The following EYA4 variants were observed in gnomAD, a reference collection of about 807,000 sequenced individuals.
The protein encoded by EYA4 is EYA transcriptional coactivator and phosphatase 4.
EYA4 carries 31 observed loss-of-function variants against 87.9 expected under a neutral mutation model. The ratio of observed to expected loss-of-function variants is 0.35; its 90% CI spans 0.27 to 0.48. The LOEUF is 0.48. Among genes scored for constraint, EYA4 ranks in the 20% least tolerant of loss-of-function variants. The probability of loss-of-function intolerance (pLI) is 0.99; values close to 1 mark genes in which losing one functional copy is unlikely to be tolerated. For synonymous variants in EYA4, 263 were observed against 270.6 expected (o/e 0.97, Z 0.28); for missense variants, 678 against 761.4 (o/e 0.89, Z 1.29).
chr6:133,315,140 G>A (rs1290157641), intron 2 of EYA4, among the ~76,000 whole-genome samples: 1 of 152,158 alleles, frequency 6.6e-6, no homozygotes, highest in Non-Finnish European at 1.5e-5. Context: ...GAACAATAAA[G>A]ATCTGTGATT....
chr6:133,359,281 C>CTCTG (rs1336426706), intron 2 of EYA4, among the ~76,000 whole-genome samples: 1 of 152,126 alleles, frequency 6.6e-6, no homozygotes, highest in East Asian at 1.9e-4. Flanking sequence ...TCCTTTGACC[C>CTCTG]CTAGTCCTAG....
chr6:133,435,535 C>G (rs1054118009), intron 3 of EYA4: 1 of 152,260 alleles, frequency 6.6e-6, no homozygotes, highest in African/African-American at 2.4e-5. Flanking sequence ...GATATAGACA[C>G]TGTGCCGCGG....
intron 2 of EYA4, among the ~76,000 whole-genome samples, chr6:133,275,114 TTTA>T (rs1777058975): frequency 1.3e-5 from 2 of 152,156 alleles, no homozygotes; most frequent in African/African-American, 2.4e-5. Flanking sequence ...ATATACGTCC[TTTA>T]TTATTTTATT....
At chr6:133,303,846 CT>C (rs779600743) in intron 2 of EYA4, among the ~76,000 whole-genome samples, 12 of 152,084 alleles carry the variant, frequency 7.9e-5, no homozygotes, top group Non-Finnish European at 1.8e-4. Context: ...TCCGTTAGTA[CT>C]TTGTTCATAT....
chr6:133,277,813 G>A (rs933597030), intron 2 of EYA4, among the ~76,000 whole-genome samples: 1 of 152,192 alleles, frequency 6.6e-6, no homozygotes, highest in Admixed American at 6.5e-5. Flanking sequence ...AAAAGAGGTA[G>A]TAATCCTCCT....
chr6:133,513,803 GTTTC>G (rs767320849), intron 16 of EYA4, among the ~76,000 whole-genome samples: 124 of 152,122 alleles, frequency 8.2e-4, no homozygotes, highest in Admixed American at 5.1e-3. Flanking sequence ...CCAGGATTTT[GTTTC>G]TTTATGTGCT....
chr6:133,246,956 T>A (rs577225380), intron 1 of EYA4: 1 of 152,300 alleles, frequency 6.6e-6, no homozygotes, highest in Non-Finnish European at 1.5e-5. Flanking sequence ...AAGCGTGTGC[T>A]GGGCTCTTGC....
intron 2 of EYA4, among the ~76,000 whole-genome samples, chr6:133,347,458 G>A (rs1039173171): frequency 1.2e-4 from 19 of 152,042 alleles, no homozygotes; most frequent in African/African-American, 4.6e-4. Context: ...GAGATTTACA[G>A]TGGTAATGTA....
chr6:133,496,605 G>A (rs558687630), intron 13 of EYA4, among the ~76,000 whole-genome samples: 1 of 150,024 alleles, frequency 6.7e-6, no homozygotes, highest in Admixed American at 6.7e-5. Context: ...TGAACTAAAA[G>A]TCAGAAGGAC....
intron 2 of EYA4, among the ~76,000 whole-genome samples, chr6:133,326,016 T>C (rs1285884222): frequency 6.6e-6 from 1 of 152,262 alleles, no homozygotes; most frequent in African/African-American, 2.4e-5. Context: ...TTGCTTCTTA[T>C]GCCTCACTGA....
intron 1 of EYA4, among the ~76,000 whole-genome samples, chr6:133,243,493 G>T (rs1774144852): frequency 6.6e-6 from 1 of 152,242 alleles, no homozygotes; most frequent in Non-Finnish European, 1.5e-5. Flanking sequence ...CTCCCCATCA[G>T]CAGCTTCTGA....
rs71003632 is a variant in EYA4, at chr6:133,294,062, T to TATATATATATATATAA, written c.33+19250_33+19251insTATATATATATATAAA. Among the ~76,000 whole-genome samples, 29 of 105,156 alleles carry TATATATATATATATAA rather than the reference T, an allele frequency of 2.8e-4. 1 individual carries two copies. The highest frequency in any genetic ancestry group is 7.1e-4 in the African/African-American group (21 of 29,384). The allele number at this position is 105,156 out of a possible 152,430, so 69.0% of individuals were successfully genotyped here. A position where few individuals can be genotyped will look rare whatever the true frequency, so the allele number is the denominator to read the frequency against. On this transcript the variant is annotated intron_variant, in intron 2 of 19. Coordinates refer to ENST00000355286, the MANE Select transcript of EYA4 (RefSeq NM_004100.5). The stretch of plus-strand genomic sequence containing the variant: ...ATATATATATATATATATATATATA[T>TATATATATATATATAA]AATTCTATTCTATATATAACATTCT...
At chr6:133,386,328 G>A (rs1177539826) in intron 3 of EYA4, among the ~76,000 whole-genome samples, 1 of 151,998 alleles carries the variant, frequency 6.6e-6, no homozygotes, top group East Asian at 1.9e-4. Flanking sequence ...ATAGCTCCTG[G>A]ACAAATGAAT....
At chr6:133,507,852 A>G (rs1442358615) in intron 14 of EYA4, among the ~76,000 whole-genome samples, 1 of 152,112 alleles carries the variant, frequency 6.6e-6, no homozygotes, top group Non-Finnish European at 1.5e-5. Context: ...ATGTGTCTTT[A>G]TAGTAGAATG....
In EYA4 at chr6:133,530,814, A is replaced by G. The variant is rs1395026582; in HGVS notation, c.*2009A>G. 2.0e-6 allele frequency: 2 copies of G among 991,218 alleles called. No individual in the cohort carries two copies. The highest frequency in any genetic ancestry group is 1.2e-6 in the Non-Finnish European group (1 of 833,182). 61.4% of individuals were successfully genotyped at this position (991,218 alleles called of 1,614,324 possible). ...TCTGCCCCAAGTACTATTCCAGGCA[A>G]ATTAAAGTTGGAATACCTTTAATAA... On this transcript the variant is annotated 3_prime_UTR_variant, in exon 20 of 20. Transcript: ENST00000355286.
chr6:133,339,344 A>G (rs949535173), intron 2 of EYA4, among the ~76,000 whole-genome samples: 2 of 152,220 alleles, frequency 1.3e-5, no homozygotes, highest in African/African-American at 2.4e-5. Context: ...AGCAGTTGCT[A>G]TGAATACCAG....
At chr6:133,422,952 A>G (rs1368821209) in intron 3 of EYA4, among the ~76,000 whole-genome samples, 1 of 151,822 alleles carries the variant, frequency 6.6e-6, no homozygotes, top group Non-Finnish European at 1.5e-5. Flanking sequence ...TTCTCTCTCT[A>G]CCCACCTTGC....
At chr6:133,294,062 T>TATATATATATATATATATATATAA (rs71003632) in intron 2 of EYA4, among the ~76,000 whole-genome samples, 7 of 105,154 alleles carry the variant, frequency 6.7e-5, no homozygotes, top group African/African-American at 1.0e-4. Context: ...TATATATATA[T>TATATATATATATATATATATATAA]AATTCTATTC....
At chr6:133,381,006 C>T (rs979540027) in intron 2 of EYA4, among the ~76,000 whole-genome samples, 4 of 148,722 alleles carry the variant, frequency 2.7e-5, no homozygotes, top group African/African-American at 9.9e-5. Flanking sequence ...TTCTTTTCCT[C>T]ATCCCCTCCT....
Sources: allele counts gnomAD v4.1 joint callset (sites outside exome capture counted in the v4.1 genomes callset), GRCh38; gene constraint gnomAD v4.1.1; transcripts MANE v1.5; gene names NCBI Gene and HGNC (gene_info 2026-07-23, HGNC 2026-07-21).